PCDHA2: variants seen among roughly 807,000 people sequenced by gnomAD.
PCDHA2 encodes the protein protocadherin alpha-2.
A neutral mutation model predicts 66.0 loss-of-function variants in PCDHA2; 58 were observed. That is an observed-to-expected ratio of 0.88 (90% confidence interval 0.71 to 1.09). The LOEUF (loss-of-function observed/expected upper bound fraction) is 1.09. Among genes scored for constraint, PCDHA2 ranks in the 50% least tolerant of loss-of-function variants. The probability of loss-of-function intolerance (pLI) is 0.00; values close to 1 mark genes in which losing one functional copy is unlikely to be tolerated. For missense variants in PCDHA2, 1,267 were observed against 1,242.3 expected, an observed-to-expected ratio of 1.02 and a Z score of -0.30; for synonymous variants, 634 against 554.0, an observed-to-expected ratio of 1.14 and a Z score of -2.03.
At chr5:140,841,688 G>A in intron 1 of PCDHA2, 1 of 1,613,948 alleles carries the variant, frequency 6.2e-7, no homozygotes, top group Non-Finnish European at 8.5e-7. Flanking sequence ...GGACGTGGAG[G>A]TGAAGGATGT....
intron 1 of PCDHA2, among the ~76,000 whole-genome samples, chr5:140,973,225 G>A (rs1554235003): frequency 6.6e-6 from 1 of 152,180 alleles, no homozygotes; most frequent in African/African-American, 2.4e-5. Flanking sequence ...TCCAGGTATA[G>A]TGACCTGAAA....
rs1581023239 is a variant in PCDHA2, at chr5:140,842,959, C to T, written c.2388+45607C>T. Reference sequence around the variant, plus strand: ...GCGACGCGGGCGTGCCGCCTCTGGGCAGCAACGTGACGCTGCAGGTGTTCG... The same window carrying T: ...GCGACGCGGGCGTGCCGCCTCTGGGTAGCAACGTGACGCTGCAGGTGTTCG... On this transcript the variant is annotated intron_variant, in intron 1 of 3. Transcript: ENST00000526136. The T allele has an allele frequency of 1.9e-6, 3 of 1,594,954 alleles. No individual in the cohort carries two copies. The East Asian group carries it at 6.7e-5, about 36-fold the overall frequency.
Position 140,851,014 on chromosome 5 carries a change from T to G in PCDHA2, c.2388+53662T>G, listed in dbSNP as rs982386368. 9 of 1,434,762 alleles carry G rather than the reference T, an allele frequency of 6.3e-6. No individual in the cohort carries two copies. In the East Asian group the frequency reaches 2.2e-4, roughly 35 times the overall value. The allele number at this position is 1,434,762 out of a possible 1,614,324, so 88.9% of individuals were successfully genotyped here. On this transcript the variant is annotated intron_variant, in intron 1 of 3. Coordinates refer to ENST00000526136, the MANE Select transcript of PCDHA2 (RefSeq NM_018905.3). ...CTAGAAATCCAGCAGATTTTTTTTC[T>G]GATAAAGTAAACCCCTTAACATTGG... is the stretch of plus-strand genomic sequence containing the variant.
chr5:141,009,739 C>A lies in PCDHA2; in HGVS notation c.2649C>A (p.Pro883=), dbSNP rs370989006. Residue 883 remains proline, a synonymous_variant, in exon 4 of 4, where the codon CCC becomes CCA. Transcript: ENST00000526136. ...AACAATCCGGTCCCGGTGAGTTGCC[C>A]GACAAATTCATTATCCCAGGATCTC... ...NPKQSGPGEL[P]DKFIIPGSPA... 2 of 1,614,010 alleles carry A rather than the reference C, an allele frequency of 1.2e-6. No homozygotes were observed. Among genetic ancestry groups the A allele is most frequent in the Non-Finnish European group, 1.7e-6 (2 of 1,180,008 alleles).
intron 1 of PCDHA2, among the ~76,000 whole-genome samples, chr5:140,976,461 G>A (rs935204153): frequency 1.3e-5 from 2 of 152,120 alleles, no homozygotes; most frequent in African/African-American, 4.8e-5. Flanking sequence ...TGGGGAAGAA[G>A]AATTGCTTGA....
intron 1 of PCDHA2, chr5:140,870,868 G>A (rs550915753): frequency 1.2e-6 from 2 of 1,613,944 alleles, no homozygotes; most frequent in Non-Finnish European, 1.7e-6. Flanking sequence ...TGCGGGCCAC[G>A]TGGTGGCGAA....
At chr5:141,002,600 A>G (rs1269340072) in intron 3 of PCDHA2, among the ~76,000 whole-genome samples, 1 of 152,204 alleles carries the variant, frequency 6.6e-6, no homozygotes, top group Non-Finnish European at 1.5e-5. Flanking sequence ...CCCCTCATCT[A>G]TAAAACAGAC....
chr5:140,942,902 A>G (rs956281163), intron 1 of PCDHA2, among the ~76,000 whole-genome samples: 7 of 152,112 alleles, frequency 4.6e-5, no homozygotes, highest in Admixed American at 1.3e-4. Context: ...ATCTCTAAGA[A>G]TAAGCGTGAA....
chr5:140,807,166 A>T (rs782160666), intron 1 of PCDHA2: 1 of 1,604,904 alleles, frequency 6.2e-7, no homozygotes, highest in Non-Finnish European at 8.5e-7. Flanking sequence ...ATTTAATCAG[A>T]ACAAAATACT....
intron 1 of PCDHA2, chr5:140,823,391 C>G (rs2150125471): frequency 6.2e-7 from 1 of 1,612,850 alleles, no homozygotes; most frequent in East Asian, 2.2e-5. Context: ...GCGCGCGACG[C>G]GGGCGTGCCG....
intron 1 of PCDHA2, among the ~76,000 whole-genome samples, chr5:140,903,417 T>C (rs1583492047): frequency 6.6e-6 from 1 of 152,200 alleles, no homozygotes; most frequent in Non-Finnish European, 1.5e-5. Flanking sequence ...CAGGAAAAAT[T>C]CAGCACAATA....
At chr5:140,822,630 TGAC>T (rs2150117881) in intron 1 of PCDHA2, 10 of 1,611,342 alleles carry the variant, frequency 6.2e-6, no homozygotes, top group Non-Finnish European at 4.2e-6. Flanking sequence ...ATCTTGTTCT[TGAC>T]GATGTAAAGT....
chr5:140,821,835 T>A (rs11958868), intron 1 of PCDHA2: 5 of 1,613,936 alleles, frequency 3.1e-6, no homozygotes, highest in African/African-American at 1.3e-5. Context: ...GGCTTCTCCT[T>A]GCCTACTGGA....
rs1340764759 is a variant in PCDHA2 at position 140,803,797 on chromosome 5, C to T, written c.2388+6445C>T. 5 of 806,578 alleles carry T rather than the reference C, an allele frequency of 6.2e-6. No homozygotes were observed. In the African/African-American group the frequency reaches 8.7e-5, roughly 14 times the overall value. 50.0% of individuals were successfully genotyped at this position (806,578 alleles called of 1,614,324 possible). ...TCAGCAGTAAGTTATGATATCCACA[C>T]TTGTAATTTTGTTTTGTTATTAGGT... On this transcript the variant is annotated intron_variant, in intron 1 of 3. Transcript: ENST00000526136.
intron 3 of PCDHA2, among the ~76,000 whole-genome samples, chr5:141,006,540 A>T (rs868906531): frequency 1.6e-4 from 25 of 152,182 alleles, no homozygotes; most frequent in Admixed American, 3.3e-4. Context: ...AAAGAGAGAC[A>T]TTAAGAAATA....
intron 1 of PCDHA2, chr5:140,881,495 T>C (rs2058735247): frequency 3.5e-6 from 1 of 288,914 alleles, no homozygotes; most frequent in Non-Finnish European, 5.2e-6. Flanking sequence ...TTTATGCACA[T>C]ACACACACTC....
In PCDHA2 at chr5:140,836,401, G is replaced by T. The variant is rs2150259872; in HGVS notation, c.2388+39049G>T. 16 of 1,613,770 alleles carry T rather than the reference G, an allele frequency of 9.9e-6. 1 individual carries two copies. The African/African-American group carries it at 2.0e-4, about 20-fold the overall frequency. On this transcript the variant is annotated intron_variant, in intron 1 of 3. Transcript: ENST00000526136. ...GTGCTGGTGTCGCTGGTGGAAAGCG[G>T]CCAGGCACCAAAGGCGTCGTCGCGG...
chr5:141,008,199 T>G (rs966441661), intron 3 of PCDHA2, among the ~76,000 whole-genome samples: 3 of 152,338 alleles, frequency 2.0e-5, no homozygotes, highest in Admixed American at 2.0e-4. Flanking sequence ...AGTAATATAA[T>G]GAACTTGACA....
intron 1 of PCDHA2, among the ~76,000 whole-genome samples, chr5:140,922,186 G>A (rs2080700999): frequency 6.6e-6 from 1 of 151,230 alleles, no homozygotes; most frequent in South Asian, 2.1e-4. Context: ...CAAAAAAAAA[G>A]TCTTATCTTT....
Sources: gnomAD v4.1 joint callset for allele counts (sites outside exome capture counted in the v4.1 genomes callset) on GRCh38, gnomAD v4.1.1 for gene constraint, MANE v1.5 for transcripts, NCBI Gene and HGNC (gene_info 2026-07-23, HGNC 2026-07-21) for gene names.